Variants in SPIRE1 observed in about 807,000 individuals in gnomAD.
SPIRE1 encodes the protein spire type actin nucleation factor 1.
SPIRE1 carries 40 observed loss-of-function variants against 94.1 expected under a neutral mutation model. That is an observed-to-expected ratio of 0.43 (90% CI 0.33 to 0.55). The LOEUF (loss-of-function observed/expected upper bound fraction) is 0.55, where lower values mean the gene tolerates loss of function less well. Among genes scored for constraint, SPIRE1 ranks in the 20% least tolerant of loss-of-function variants. SPIRE1 has a pLI of 0.06. For missense variants in SPIRE1, 838 were observed against 975.2 expected (o/e 0.86, Z 1.87); for synonymous variants, 376 against 371.7 (o/e 1.01, Z -0.13).
chr18:12,490,065 AC>A (rs777518299), intron 8 of SPIRE1, among the ~76,000 whole-genome samples: 19 of 152,204 alleles, frequency 1.2e-4, no homozygotes, highest in Non-Finnish European at 2.5e-4. Context: ...AGAAAAAATG[AC>A]CAAAATCCCT....
At chr18:12,568,941 G>A (rs1032450599) in intron 2 of SPIRE1, among the ~76,000 whole-genome samples, 2 of 152,148 alleles carry the variant, frequency 1.3e-5, no homozygotes, top group African/African-American at 2.4e-5. Flanking sequence ...CTAGCCCAAG[G>A]ATAAACTACA....
At position 12,615,345 on chromosome 18, in the gene SPIRE1, A is replaced by AAAAAAAATATAT; in HGVS notation, c.372+19716_372+19717insATATATTTTTTT. The stretch of plus-strand genomic sequence containing the variant: ...TCTGTCTCAAAAAAAAAAAAAAAAA[A>AAAAAAAATATAT]ATATATATATATATATATATATATA... On this transcript the variant is annotated intron_variant, in intron 2 of 16. Coordinates refer to ENST00000409402, the MANE Select transcript of SPIRE1 (RefSeq NM_001128626.2). Among the ~76,000 whole-genome samples, 112 of 17,216 alleles carry AAAAAAAATATAT rather than the reference A, an allele frequency of 6.5e-3. 8 individuals carry two copies. The highest frequency in any genetic ancestry group is 0.017 in the Non-Finnish European group (90 of 5,384). 11.3% of individuals were successfully genotyped at this position (17,216 alleles called of 152,430 possible).
chr18:12,640,517 T>C (rs964746915), intron 1 of SPIRE1, among the ~76,000 whole-genome samples: 3 of 152,246 alleles, frequency 2.0e-5, no homozygotes, highest in African/African-American at 7.2e-5. Flanking sequence ...CTAGACACAG[T>C]TCTTGCCTCA....
chr18:12,552,110 C>T (rs79785672), intron 2 of SPIRE1, among the ~76,000 whole-genome samples: 12,355 of 152,324 alleles, frequency 0.081, 648 homozygotes, highest in Middle Eastern at 0.16. Context: ...ACAGAGGAAT[C>T]GCCTAAATGC....
At chr18:12,638,505 G>A (rs1043064636) in intron 1 of SPIRE1, among the ~76,000 whole-genome samples, 1 of 152,150 alleles carries the variant, frequency 6.6e-6, no homozygotes, top group South Asian at 2.1e-4. Context: ...GGAGTCAAAT[G>A]AGTTGCACAT....
intron 2 of SPIRE1, among the ~76,000 whole-genome samples, chr18:12,609,283 A>G (rs764641241): frequency 2.6e-5 from 4 of 152,220 alleles, no homozygotes; most frequent in Non-Finnish European, 4.4e-5. Context: ...AGTCTGCTCT[A>G]AAGTGTGTGG....
intron 2 of SPIRE1, among the ~76,000 whole-genome samples, chr18:12,589,340 G>A (rs1438028087): frequency 3.3e-5 from 5 of 152,214 alleles, no homozygotes; most frequent in South Asian, 4.2e-4. Flanking sequence ...CAGAGCTAAA[G>A]ACAGAAAGAG....
chr18:12,494,664 C>CT (rs1206636927), intron 7 of SPIRE1, among the ~76,000 whole-genome samples: 3 of 141,438 alleles, frequency 2.1e-5, no homozygotes, highest in Admixed American at 7.2e-5. Context: ...CCCGTCTCTA[C>CT]TAAAAAAAAA....
chr18:12,624,087 C>T (rs1164394962), intron 2 of SPIRE1, among the ~76,000 whole-genome samples: 2 of 149,476 alleles, frequency 1.3e-5, no homozygotes, highest in Non-Finnish European at 3.0e-5. Context: ...CCACACCCAA[C>T]TAATTTTGTA....
At chr18:12,566,638 T>G (rs2035827282) in intron 2 of SPIRE1, among the ~76,000 whole-genome samples, 1 of 152,084 alleles carries the variant, frequency 6.6e-6, no homozygotes, top group Non-Finnish European at 1.5e-5. Context: ...GGGCTTGGAT[T>G]AGCTGTAAAT....
chr18:12,485,606 G>T (rs549894492), intron 9 of SPIRE1, among the ~76,000 whole-genome samples: 3 of 152,220 alleles, frequency 2.0e-5, no homozygotes, highest in Admixed American at 6.6e-5. Context: ...TTTCTATGAA[G>T]TTTTTTTCTA....
At chr18:12,461,494 G>GTA (rs1568183952) in intron 12 of SPIRE1, among the ~76,000 whole-genome samples, 6 of 148,948 alleles carry the variant, frequency 4.0e-5, no homozygotes, top group East Asian at 2.1e-4. Context: ...ATGTGTGTAT[G>GTA]CACGTACATA....
chr18:12,622,815 T>C (rs1284306288), intron 2 of SPIRE1, among the ~76,000 whole-genome samples: 1 of 152,212 alleles, frequency 6.6e-6, no homozygotes, highest in Non-Finnish European at 1.5e-5. Flanking sequence ...TCTCTATGCT[T>C]CAGACATCCT....
Position 12,576,674 on chromosome 18 carries a change from G to T in SPIRE1, c.373-29770C>A, listed in dbSNP as rs1253507413. Among the ~76,000 whole-genome samples the T allele has an allele frequency of 2.6e-5, 4 of 151,312 alleles. No individual in the cohort carries two copies. In the South Asian group the frequency reaches 6.3e-4, roughly 24 times the overall value. On this transcript the variant is annotated intron_variant, in intron 2 of 16. Coordinates refer to ENST00000409402, the MANE Select transcript of SPIRE1 (RefSeq NM_001128626.2). ...GGAGGCCAAGGCGGGCAGATCACGAGGTCAGGAGATCGAGACCATCCTGGC... is the reference window on the plus strand; with the variant it reads ...GGAGGCCAAGGCGGGCAGATCACGATGTCAGGAGATCGAGACCATCCTGGC...
chr18:12,476,564 AATATAT>A (rs1261493981), intron 10 of SPIRE1, among the ~76,000 whole-genome samples: 737 of 69,620 alleles, frequency 0.011, 21 homozygotes, highest in African/African-American at 0.018. Flanking sequence ...AAAAAAAAAA[AATATAT>A]ATATATATAT....
chr18:12,479,641 T>C, intron 10 of SPIRE1, 58 bp downstream of exon 10: 1 of 1,470,356 alleles, frequency 6.8e-7, no homozygotes, highest in Non-Finnish European at 9.1e-7. Context: ...GTAAACTGCA[T>C]CAGACAGCAT....
chr18:12,475,831 A>G (rs1050630175), intron 10 of SPIRE1, among the ~76,000 whole-genome samples: 4 of 152,248 alleles, frequency 2.6e-5, no homozygotes, highest in Non-Finnish European at 5.9e-5. Context: ...AAGGGAGAAT[A>G]CGCTGATGGC....
In SPIRE1 at chr18:12,559,404, C is replaced by G. The variant is rs1340981314; in HGVS notation, c.373-12500G>C. On this transcript the variant is annotated intron_variant, in intron 2 of 16. Transcript: ENST00000409402. This position sits in a 1 kb window ranked among gnomAD's most constrained non-coding sequence, Gnocchi z 4.7. The stretch of plus-strand genomic sequence containing the variant: ...TGAGTGCTGGCCGGGCGAGACTGCA[C>G]CCACCCGGAACTCGTGCTGGCCTGC... Among the ~76,000 whole-genome samples, 2 of 152,184 alleles carry G rather than the reference C, an allele frequency of 1.3e-5. No homozygotes were observed. Among genetic ancestry groups the G allele is most frequent in the Non-Finnish European group, 2.9e-5 (2 of 68,008 alleles).
At chr18:12,577,440 C>G (rs959232711) in intron 2 of SPIRE1, among the ~76,000 whole-genome samples, 26 of 152,128 alleles carry the variant, frequency 1.7e-4, no homozygotes, top group Non-Finnish European at 3.5e-4. Flanking sequence ...AGCCACCGTG[C>G]CTGGCCACTA....
Sources: gnomAD v4.1 joint callset for allele counts (sites outside exome capture counted in the v4.1 genomes callset) on GRCh38, gnomAD v4.1.1 for gene constraint, Gnocchi (gnomAD v3.1) non-coding constraint, MANE v1.5 for transcripts, NCBI Gene and HGNC (gene_info 2026-07-23, HGNC 2026-07-21) for gene names.